Variants in MGAM2 observed in about 807,000 individuals in gnomAD.
MGAM2 encodes the protein maltase-glucoamylase 2 (putative).
A neutral mutation model predicts 96.1 loss-of-function variants in MGAM2; 98 were observed. The observed-to-expected ratio is 1.02, with a 90% CI of 0.87 to 1.21. MGAM2 has a LOEUF of 1.21. Ranked by LOEUF, MGAM2 falls within the 50% of genes most tolerant of loss-of-function variation. MGAM2 has a pLI of 0.00. For synonymous variants in MGAM2, 749 were observed against 414.8 expected, an observed-to-expected ratio of 1.81 and a Z score of -9.79; for missense variants, 2,055 against 1,182.4, an observed-to-expected ratio of 1.74 and a Z score of -10.82.
chr7:142,158,306 C>T lies in MGAM2; in HGVS notation c.2137C>T (p.Leu713Phe). The change falls in exon 19 of 48, where the codon CTC becomes TTC. Residue 713 changes from leucine to phenylalanine, a missense_variant. Leu to Phe is a conservative substitution (Grantham distance 22). Coordinates refer to ENST00000477922, the MANE Select transcript of MGAM2 (RefSeq NM_001293626.2). Reference sequence around the variant, plus strand: ...TGAGCAGTTCTTATGGGGACCTGGACTCCTCATCACGCCTGTTTTATATGA... The same window carrying T: ...TGAGCAGTTCTTATGGGGACCTGGATTCCTCATCACGCCTGTTTTATATGA... ...VHEQFLWGPG[L>F]LITPVLYEGV... 2.8e-6 allele frequency: 2 copies of T among 702,966 alleles called. No homozygotes were observed. Among genetic ancestry groups the T allele is most frequent in the Non-Finnish European group, 5.2e-6 (2 of 384,986 alleles). The allele number at this position is 702,966 out of a possible 1,614,324, so 43.5% of individuals were successfully genotyped here.
intron 37 of MGAM2, among the ~76,000 whole-genome samples, chr7:142,193,894 C>A (rs566435008): frequency 6.6e-6 from 1 of 152,206 alleles, no homozygotes; most frequent in Non-Finnish European, 1.5e-5. Flanking sequence ...CCAACCCAAA[C>A]CTCTCTTGAG....
At chr7:142,187,598 C>A (rs952943533) in intron 35 of MGAM2, among the ~76,000 whole-genome samples, 152 bp from the exon 36 acceptor site, 4 of 152,072 alleles carry the variant, frequency 2.6e-5, no homozygotes, top group African/African-American at 9.7e-5. Context: ...TTTTAGAGTC[C>A]ATTTGGGTCA....
intron 45 of MGAM2, among the ~76,000 whole-genome samples, chr7:142,204,836 C>A (rs534713143): frequency 6.6e-6 from 1 of 152,028 alleles, no homozygotes; most frequent in Admixed American, 6.6e-5. Context: ...GATAATAAGA[C>A]AATAAGGCAT....
chr7:142,133,311 GTTTA>G (rs1306173456), intron 6 of MGAM2, among the ~76,000 whole-genome samples: 2 of 145,506 alleles, frequency 1.4e-5, no homozygotes, highest in African/African-American at 5.0e-5. Context: ...TATTTAATAT[GTTTA>G]TTTGTATAAT....
At chr7:142,179,932 G>A (rs1796489206) in intron 32 of MGAM2, among the ~76,000 whole-genome samples, 1 of 152,140 alleles carries the variant, frequency 6.6e-6, no homozygotes, top group South Asian at 2.1e-4. Flanking sequence ...CAGTAGGATT[G>A]GAACCAGCTC....
At chr7:142,209,908 G>A (rs570051440) in intron 46 of MGAM2, among the ~76,000 whole-genome samples, 107 of 152,298 alleles carry the variant, frequency 7.0e-4, no homozygotes, top group Admixed American at 1.2e-3. Context: ...TGATTTGTGG[G>A]CTTCCTGGGC....
chr7:142,166,111 C>T lies in MGAM2; in HGVS notation c.2666C>T (p.Thr889Ile), dbSNP rs1796020009. 2.9e-6 allele frequency: 2 copies of T among 697,250 alleles called. No homozygotes were observed. The allele number at this position is 697,250 out of a possible 1,614,324, so 43.2% of individuals were successfully genotyped here. A position where few individuals can be genotyped will look rare whatever the true frequency, so the allele number is the denominator to read the frequency against. The change falls in exon 25 of 48, where the codon ACT becomes ATT. Residue 889 changes from threonine to isoleucine, a missense_variant. Coordinates refer to ENST00000477922, the MANE Select transcript of MGAM2 (RefSeq NM_001293626.2). The stretch of plus-strand genomic sequence containing the variant: ...CTCTTTCCCCAGGTGGTAACCATCA[C>T]TGATCTCCAAGGACTGGTACTGGGA... ...YNASTKVVTI[T>I]DLQGLVLGQE...
At chr7:142,175,154 T>C (rs574318679) in intron 31 of MGAM2, among the ~76,000 whole-genome samples, 1 of 152,338 alleles carries the variant, frequency 6.6e-6, no homozygotes, top group South Asian at 2.1e-4. Context: ...TCATTCAGTA[T>C]GATATTGGCT....
In MGAM2 at chr7:142,220,781, T is replaced by C; in HGVS notation, c.6270T>C (p.Thr2090=). 1.4e-6 allele frequency: 1 copy of C among 702,228 alleles called. No individual in the cohort carries two copies. The highest frequency in any genetic ancestry group is 2.6e-6 in the Non-Finnish European group (1 of 384,802). The allele number at this position is 702,228 out of a possible 1,614,324, so 43.5% of individuals were successfully genotyped here. A position where few individuals can be genotyped will look rare whatever the true frequency, so the allele number is the denominator to read the frequency against. Reference sequence around the variant, plus strand: ...CTATGCCTTCTCCTACAAGTAGTACTACTGTGAGTACTATTGCTACCGTTC... The same window carrying C: ...CTATGCCTTCTCCTACAAGTAGTACCACTGTGAGTACTATTGCTACCGTTC... ...NTTMPSPTSS[T]TVSTIATVPI... The change falls in exon 48 of 48, where the codon ACT becomes ACC. Residue 2090 remains threonine, a synonymous_variant. Transcript: ENST00000477922.
At chr7:142,199,436 A>C (rs1029067760) in intron 44 of MGAM2, among the ~76,000 whole-genome samples, 9 of 151,884 alleles carry the variant, frequency 5.9e-5, no homozygotes, top group African/African-American at 2.2e-4. Flanking sequence ...GGGTTTGGGA[A>C]CATAAACCAT....
chr7:142,182,241 G>A (rs1023016390), intron 32 of MGAM2, among the ~76,000 whole-genome samples: 1 of 152,136 alleles, frequency 6.6e-6, no homozygotes, highest in Admixed American at 6.5e-5. Flanking sequence ...CTGGCCTTAG[G>A]GTCCAGCACT....
intron 3 of MGAM2, 87 bp downstream of exon 3, chr7:142,120,468 C>T: frequency 1.6e-6 from 1 of 638,218 alleles, no homozygotes; most frequent in South Asian, 1.7e-5. Context: ...GTGGGGGTGG[C>T]ATGGCTTCTG....
Position 142,120,382 on chromosome 7 carries a change from G to T in MGAM2, c.186+1G>T, listed in dbSNP as rs551718644. Reference sequence around the variant, plus strand: ...CACACCTGACCAGGAGGTGACCGAGGTCAGAGAAATAAGGTCCCTTTTGGT... The same window carrying T: ...CACACCTGACCAGGAGGTGACCGAGTTCAGAGAAATAAGGTCCCTTTTGGT... On this transcript the variant is annotated splice_donor_variant, in intron 3 of 47. Coordinates refer to ENST00000477922, the MANE Select transcript of MGAM2 (RefSeq NM_001293626.2). LOFTEE classifies it high-confidence loss of function. 2 of 702,836 alleles carry T rather than the reference G, an allele frequency of 2.8e-6. No individual in the cohort carries two copies. The highest frequency in any genetic ancestry group is 3.5e-5 in the African/African-American group (2 of 57,344). The allele number at this position is 702,836 out of a possible 1,614,324, so 43.5% of individuals were successfully genotyped here.
At chr7:142,165,984 G>C in intron 24 of MGAM2, 114 bp from the exon 25 acceptor site, 1 of 569,626 alleles carries the variant, frequency 1.8e-6, no homozygotes. Context: ...TGGCAAAATG[G>C]TTTTGGAGGA....
In MGAM2 at chr7:142,208,592, T is replaced by A. The variant is rs541543841; in HGVS notation, c.5157T>A (p.Asn1719Lys). The change falls in exon 46 of 48, where the codon AAT (asparagine) becomes AAA (lysine). Residue 1719 changes from asparagine to lysine, a missense_variant. Coordinates refer to ENST00000477922, the MANE Select transcript of MGAM2 (RefSeq NM_001293626.2). ...GQSIDTYENG[N>K]YFLANFIAAQ... Reference sequence around the variant, plus strand: ...TTGCAGATACCTATGAAAATGGAAATTATTTTTTGGCAAACTTTATAGCAG... The same window carrying A: ...TTGCAGATACCTATGAAAATGGAAAATATTTTTTGGCAAACTTTATAGCAG... 2.1e-4 allele frequency: 145 copies of A among 702,840 alleles called. 1 individual carries two copies. The South Asian group carries it at 2.1e-3, about 10-fold the overall frequency. The allele number at this position is 702,840 out of a possible 1,614,324, so 43.5% of individuals were successfully genotyped here. A position where few individuals can be genotyped will look rare whatever the true frequency, so the allele number is the denominator to read the frequency against.
rs574304465 is a variant in MGAM2 at position 142,170,944 on chromosome 7, C to T, written c.3183-328C>T. The stretch of plus-strand genomic sequence containing the variant: ...TTTTCTATTGGAAAGTTTGCTTAAA[C>T]TCTATTTGTTTATTTATATATTTAC... On this transcript the variant is annotated intron_variant, in intron 27 of 47. Coordinates refer to ENST00000477922, the MANE Select transcript of MGAM2 (RefSeq NM_001293626.2). 3.7e-4 allele frequency among the ~76,000 whole-genome samples: 57 copies of T among 152,280 alleles called. 1 individual carries two copies. The highest frequency in any genetic ancestry group is 1.3e-3 in the African/African-American group (55 of 41,560).
chr7:142,115,443 C>T (rs1328806143), intron 1 of MGAM2, among the ~76,000 whole-genome samples: 2 of 152,132 alleles, frequency 1.3e-5, no homozygotes, highest in Non-Finnish European at 2.9e-5. Context: ...GTTAAATAAT[C>T]AATACTGAGG....
At chr7:142,173,469 ATT>A in intron 31 of MGAM2, 115 bp downstream of exon 31, 1 of 596,708 alleles carries the variant, frequency 1.7e-6, no homozygotes, top group Non-Finnish European at 3.0e-6. Context: ...TTCAGGCTGA[ATT>A]TTTTTTCTTT....
chr7:142,154,370 A>G (rs1423972294), intron 16 of MGAM2, among the ~76,000 whole-genome samples, 181 bp downstream of exon 16: 2 of 152,240 alleles, frequency 1.3e-5, no homozygotes, highest in Non-Finnish European at 1.5e-5. Context: ...GTACTTTATC[A>G]CTGAGTTGTC....
Sources: gnomAD v4.1 joint callset for allele counts (sites outside exome capture counted in the v4.1 genomes callset) on GRCh38, gnomAD v4.1.1 for gene constraint, MANE v1.5 for transcripts, NCBI Gene and HGNC (gene_info 2026-07-23, HGNC 2026-07-21) for gene names.